Variants in CDIN1 observed in about 807,000 individuals in gnomAD.
CDIN1 encodes the protein CDAN1 interacting nuclease 1, also known as CDAN1-interacting nuclease 1.
In CDIN1, 33 loss-of-function variants were observed where a neutral mutation model predicts 45.3. The observed-to-expected ratio is 0.73, with a 90% confidence interval of 0.55 to 0.97. CDIN1 has a LOEUF of 0.97. Among genes scored for constraint, CDIN1 ranks in the 50% least tolerant of loss-of-function variants. The pLI, the probability that CDIN1 is intolerant of heterozygous loss-of-function variation, is 0.00. For missense variants in CDIN1, 303 were observed against 339.4 expected (o/e 0.89, Z 0.84); for synonymous variants, 118 against 124.4 (o/e 0.95, Z 0.34).
In CDIN1 at chr15:36,579,657, G is replaced by C; in HGVS notation, c.-204G>C. On this transcript the variant is annotated 5_prime_UTR_variant, in exon 1 of 11. Transcript: ENST00000566621. The stretch of plus-strand genomic sequence containing the variant: ...GTGTACAGCCAGTCCCCGCCGCGGA[G>C]GTGCCGGTGGAGCCTGGGACCGGGC... The C allele has an allele frequency of 1.9e-6, 1 of 535,128 alleles. No individual in the cohort carries two copies. The allele number at this position is 535,128 out of a possible 1,614,324, so 33.1% of individuals were successfully genotyped here. A position where few individuals can be genotyped will look rare whatever the true frequency, so the allele number is the denominator to read the frequency against.
chr15:36,800,907 GTGTATATATATATATATATATA>G (rs1186297121), intron 10 of CDIN1, among the ~76,000 whole-genome samples: 7 of 31,610 alleles, frequency 2.2e-4, no homozygotes, highest in African/African-American at 4.4e-4. Flanking sequence ...GTGTGTGTGT[GTGTATATATATATATATATATA>G]TATATATATA....
chr15:36,745,558 T>C (rs2044390438), intron 10 of CDIN1, among the ~76,000 whole-genome samples: 1 of 152,206 alleles, frequency 6.6e-6, no homozygotes, highest in Admixed American at 6.5e-5. Context: ...TATTATTATA[T>C]TATTGATATT....
At chr15:36,698,655 CAGAT>C (rs2140761012) in intron 8 of CDIN1, among the ~76,000 whole-genome samples, 1 of 152,294 alleles carries the variant, frequency 6.6e-6, no homozygotes, top group Admixed American at 6.5e-5. Context: ...ATTGATTACT[CAGAT>C]AGAGGCCTAT....
At chr15:36,755,903 T>C in intron 10 of CDIN1, 1 of 335,092 alleles carries the variant, frequency 3.0e-6, no homozygotes, top group Non-Finnish European at 5.9e-6. Context: ...ATATAGAATG[T>C]AACTGAAGAG....
At chr15:36,749,111 CA>C (rs2053387691) in intron 10 of CDIN1, among the ~76,000 whole-genome samples, 1 of 152,188 alleles carries the variant, frequency 6.6e-6, no homozygotes, top group East Asian at 1.9e-4. Flanking sequence ...ATTACTGTTC[CA>C]AAAAACCCCA....
chr15:36,720,023 T>C (rs1412183720), intron 10 of CDIN1, among the ~76,000 whole-genome samples: 3 of 151,460 alleles, frequency 2.0e-5, no homozygotes, highest in African/African-American at 7.3e-5. Context: ...GCCTAGAGGT[T>C]TATCCATTTT....
In CDIN1 at chr15:36,780,132, C is replaced by A. The variant is rs192029897; in HGVS notation, c.717-28192C>A. Among the ~76,000 whole-genome samples, 28 of 152,274 alleles carry A rather than the reference C, an allele frequency of 1.8e-4. No homozygotes were observed. The East Asian group carries it at 4.1e-3, about 22-fold the overall frequency. ...TATAAAGATATTGGGAACACTAGTG[C>A]CTTTTTGGGACCTGAGACTATTTAG... is the stretch of plus-strand genomic sequence containing the variant. On this transcript the variant is annotated intron_variant, in intron 10 of 10. Coordinates refer to ENST00000566621, the MANE Select transcript of CDIN1 (RefSeq NM_001321759.2).
chr15:36,638,340 T>C (rs2039983046), intron 1 of CDIN1, among the ~76,000 whole-genome samples: 1 of 152,192 alleles, frequency 6.6e-6, no homozygotes, highest in Non-Finnish European at 1.5e-5. Context: ...AGATGCACCA[T>C]TGGATAACTA....
At chr15:36,768,162 T>A (rs77301638) in intron 10 of CDIN1, among the ~76,000 whole-genome samples, 9,251 of 152,206 alleles carry the variant, frequency 0.061, 325 homozygotes, top group South Asian at 0.12. Context: ...TTGGTATTAG[T>A]TTCATGATAA....
At chr15:36,644,602 T>A (rs1386329460) in intron 2 of CDIN1, among the ~76,000 whole-genome samples, 1 of 152,156 alleles carries the variant, frequency 6.6e-6, no homozygotes, top group African/African-American at 2.4e-5. Flanking sequence ...CGTGGTTCCA[T>A]GTGCTAAATG....
At chr15:36,667,863 T>G (rs1465496552) in intron 5 of CDIN1, among the ~76,000 whole-genome samples, 1 of 152,160 alleles carries the variant, frequency 6.6e-6, no homozygotes, top group Non-Finnish European at 1.5e-5. Context: ...TATGAGCTAT[T>G]TTCTTTACAA....
At chr15:36,745,036 A>G (rs1402074085) in intron 10 of CDIN1, among the ~76,000 whole-genome samples, 1 of 152,214 alleles carries the variant, frequency 6.6e-6, no homozygotes, top group East Asian at 1.9e-4. Flanking sequence ...TGTATATTTG[A>G]GAGTATATGT....
chr15:36,759,801 A>G (rs2053709402), intron 10 of CDIN1, among the ~76,000 whole-genome samples: 2 of 152,172 alleles, frequency 1.3e-5, no homozygotes, highest in South Asian at 4.1e-4. Context: ...ACATCTTCAC[A>G]TGGCAGCAGG....
intron 1 of CDIN1, chr15:36,618,135 G>T: frequency 1.4e-6 from 1 of 715,804 alleles, no homozygotes; most frequent in South Asian, 1.5e-5. Flanking sequence ...TTTGTGAATG[G>T]CATTAATTCA....
chr15:36,764,411 T>C (rs2053857746), intron 10 of CDIN1, among the ~76,000 whole-genome samples: 5 of 152,208 alleles, frequency 3.3e-5, no homozygotes, highest in Admixed American at 1.3e-4. Context: ...TTTGTACATA[T>C]GCATTTGTTT....
rs567969045 is a variant in CDIN1, at chr15:36,590,765, A to T, written c.101+10804A>T. The stretch of plus-strand genomic sequence containing the variant: ...TTACATGAAATAGGAGGCATAGCAG[A>T]CCATTGATATTTACAAGGTTTATCA... On this transcript the variant is annotated intron_variant, in intron 1 of 10. Transcript: ENST00000566621. Among the ~76,000 whole-genome samples the T allele has an allele frequency of 5.3e-5, 8 of 152,342 alleles. No individual in the cohort carries two copies. In the East Asian group the frequency reaches 1.5e-3, roughly 29 times the overall value.
chr15:36,700,883 G>A (rs1001150680), intron 8 of CDIN1, among the ~76,000 whole-genome samples: 1 of 151,778 alleles, frequency 6.6e-6, no homozygotes, highest in Non-Finnish European at 1.5e-5. Context: ...AGACCAGCCT[G>A]GGCAATATAG....
intron 1 of CDIN1, among the ~76,000 whole-genome samples, chr15:36,580,307 G>T (rs915727479): frequency 6.6e-6 from 1 of 152,188 alleles, no homozygotes; most frequent in African/African-American, 2.4e-5. Context: ...TGATGGGTGG[G>T]AATATGAATT....
chr15:36,806,967 T>A (rs1169142376), intron 10 of CDIN1, among the ~76,000 whole-genome samples: 1 of 152,116 alleles, frequency 6.6e-6, no homozygotes, highest in African/African-American at 2.4e-5. Flanking sequence ...AGCTGATAAA[T>A]CTCAGTGGGC....
Sources: allele counts gnomAD v4.1 joint callset (sites outside exome capture counted in the v4.1 genomes callset), GRCh38; gene constraint gnomAD v4.1.1; transcripts MANE v1.5; gene names NCBI Gene and HGNC (gene_info 2026-07-23, HGNC 2026-07-21).